LRBA: variants seen among roughly 807,000 people sequenced by gnomAD.
LRBA encodes LPS responsive beige-like anchor protein, also known as lipopolysaccharide-responsive and beige-like anchor protein.
Under a neutral mutation model 330.0 loss-of-function variants are expected in LRBA, and 176 were observed. The observed-to-expected ratio is 0.53, with a 90% CI of 0.47 to 0.60. The LOEUF (loss-of-function observed/expected upper bound fraction) is 0.60. Ranked by LOEUF, LRBA falls within the 20% of genes least tolerant of loss-of-function variation. The pLI is 0.00. For synonymous variants in LRBA, 1,230 were observed against 1,193.0 expected (o/e 1.03, Z -0.64); for missense variants, 3,259 against 3,444.8 (o/e 0.95, Z 1.35).
At chr4:150,833,235 T>C (rs1747465778) in intron 28 of LRBA, among the ~76,000 whole-genome samples, 1 of 151,876 alleles carries the variant, frequency 6.6e-6, no homozygotes, top group African/African-American at 2.4e-5. Flanking sequence ...CTGACCTCTT[T>C]ATCTTGTCAA....
In LRBA at chr4:150,325,809, C is replaced by T. The variant is rs775737240; in HGVS notation, c.7452G>A (p.Val2484=). Residue 2484 remains valine (V), a splice_region_variant and synonymous_variant, in exon 49 of 57, where the codon GTG becomes GTA. Coordinates refer to ENST00000651943, the MANE Select transcript of LRBA (RefSeq NM_001364905.1). ...TGAGGAGAGTAAAAATAGCACTTAC[C>T]ACTTGCATGGCAGAACCTCTGGGAG... ...PHPPRGSAMQ[V]SPLMFTDKAQ... is the part of the protein sequence containing the mutation. 16 of 1,606,854 alleles carry T rather than the reference C, an allele frequency of 1.0e-5. No homozygotes were observed. Among genetic ancestry groups the T allele is most frequent in the Non-Finnish European group, 1.3e-5 (15 of 1,173,764 alleles).
chr4:150,799,350 G>T (rs376406570), intron 33 of LRBA, among the ~76,000 whole-genome samples: 12 of 152,098 alleles, frequency 7.9e-5, no homozygotes, highest in African/African-American at 2.9e-4. Context: ...GATGAACATG[G>T]CTCTTCAGGC....
rs1029332846 is a variant in LRBA at position 150,415,473 on chromosome 4, T to C, written c.7159A>G (p.Lys2387Glu). Residue 2387 changes from lysine to glutamate, a missense_variant, in exon 47 of 57, where the codon AAA becomes GAA. Coordinates refer to ENST00000651943, the MANE Select transcript of LRBA (RefSeq NM_001364905.1). ...ATGTGAACAAATTCTTCTGAGGTTT[T>C]GGCCCAAGGAGGAAGTTCGACATCA... ...VSDVELPPWA[K>E]TSEEFVHINR... 1.2e-6 allele frequency: 2 copies of C among 1,613,594 alleles called. No individual in the cohort carries two copies. Among genetic ancestry groups the C allele is most frequent in the African/African-American group, 1.3e-5 (1 of 74,920 alleles).
intron 33 of LRBA, among the ~76,000 whole-genome samples, chr4:150,801,341 A>T (rs1190973889): frequency 6.6e-6 from 1 of 152,230 alleles, no homozygotes; most frequent in Non-Finnish European, 1.5e-5. Context: ...CATGTTTAAT[A>T]GGCTCTAGCT....
rs1269980116 is a variant in LRBA at position 150,900,069 on chromosome 4, C to G, written c.1904G>C (p.Gly635Ala). 6.2e-7 allele frequency: 1 copy of G among 1,612,646 alleles called. No individual in the cohort carries two copies. The highest frequency in any genetic ancestry group is 1.3e-5 in the African/African-American group (1 of 74,954). ...YWAVNPQDRS[G>A]ITPKGLDGPR... ...TATACCTAATCCTTTTGGGGTGATA[C>G]CACTTCGATCCTGAGGATTCACTGC... The change falls in exon 14 of 57, where the codon GGT becomes GCT. Residue 635 changes from glycine (G) to alanine (A), a missense_variant. Transcript: ENST00000651943.
rs35250375 is a variant in LRBA at position 150,852,379 on chromosome 4, C to A, written c.3331G>T (p.Val1111Leu). Residue 1111 changes from valine (V) to leucine (L), a missense_variant, in exon 23 of 57, where the codon GTG (valine) becomes TTG (leucine). Val to Leu is a conservative substitution (Grantham distance 32). Transcript: ENST00000651943. ...GGACTGCCTTCTACTTTCAGTTCCA[C>A]ATAATCATCATCTTCCTCTTCCTCT... ...IVEEEEDDDY[V>L]ELKVEGSPTE... The A allele has an allele frequency of 6.0e-4, 961 of 1,613,610 alleles. 5 individuals are homozygous for A. In the African/African-American group the frequency reaches 0.011, roughly 19 times the overall value.
intron 34 of LRBA, among the ~76,000 whole-genome samples, chr4:150,775,411 T>A (rs1737140806): frequency 6.6e-6 from 1 of 150,862 alleles, no homozygotes; most frequent in Non-Finnish European, 1.5e-5. Context: ...GATCCACAAA[T>A]GTTCAATCAA....
chr4:150,315,547 AG>A lies in LRBA; in HGVS notation c.7693+13del. On this transcript the variant is annotated intron_variant, in intron 51 of 56. Transcript: ENST00000651943. ...GAGCTTAATGAATCGCAAAGAGAGA[AG>A]GAAGTGACAGACCTATGAGAGGATC... is the stretch of plus-strand genomic sequence containing the variant. 1 of 1,608,958 alleles carries A rather than the reference AG, an allele frequency of 6.2e-7. No individual in the cohort carries two copies. Among genetic ancestry groups the A allele is most frequent in the African/African-American group, 1.3e-5 (1 of 74,852 alleles).
intron 36 of LRBA, among the ~76,000 whole-genome samples, chr4:150,732,019 A>G (rs1397951787): frequency 2.0e-5 from 3 of 152,134 alleles, no homozygotes; most frequent in Non-Finnish European, 4.4e-5. Context: ...ATAAAAAATC[A>G]ATGACATAAT....
At chr4:150,610,476 C>T (rs1405174311) in intron 37 of LRBA, among the ~76,000 whole-genome samples, 1 of 152,132 alleles carries the variant, frequency 6.6e-6, no homozygotes, top group Non-Finnish European at 1.5e-5. Flanking sequence ...GTAATCCCAG[C>T]TACACGGGAG....
chr4:150,437,691 C>T (rs931327894), intron 44 of LRBA, among the ~76,000 whole-genome samples: 5 of 151,692 alleles, frequency 3.3e-5, no homozygotes, highest in African/African-American at 7.3e-5. Flanking sequence ...GATAATAATA[C>T]TCATTCAAAA....
At chr4:150,292,871 A>G (rs1244289527) in intron 53 of LRBA, among the ~76,000 whole-genome samples, 2 of 152,188 alleles carry the variant, frequency 1.3e-5, no homozygotes, top group African/African-American at 4.8e-5. Context: ...CTAATTTTGT[A>G]TGCAAAATCA....
intron 35 of LRBA, among the ~76,000 whole-genome samples, chr4:150,739,239 T>TA (rs1408241549): frequency 6.6e-6 from 1 of 152,144 alleles, no homozygotes; most frequent in African/African-American, 2.4e-5. Flanking sequence ...TACTACCAGA[T>TA]ATAGAATATA....
chr4:150,673,700 T>C (rs924537169), intron 37 of LRBA, among the ~76,000 whole-genome samples: 1 of 152,180 alleles, frequency 6.6e-6, no homozygotes, highest in Non-Finnish European at 1.5e-5. Flanking sequence ...TCTATATTTA[T>C]TGACTAAGAA....
At chr4:150,404,433 C>T (rs1054001206) in intron 47 of LRBA, among the ~76,000 whole-genome samples, 8 of 152,034 alleles carry the variant, frequency 5.3e-5, no homozygotes, top group East Asian at 3.9e-4. Context: ...AGAAGGGTAA[C>T]GATGCACGCT....
intron 17 of LRBA, among the ~76,000 whole-genome samples, chr4:150,878,673 T>C (rs891009204): frequency 4.0e-5 from 6 of 150,612 alleles, no homozygotes; most frequent in Admixed American, 2.6e-4. Flanking sequence ...ACCAATCTCA[T>C]AGAAATACAA....
At chr4:150,764,332 G>C (rs1735473423) in intron 34 of LRBA, among the ~76,000 whole-genome samples, 1 of 151,812 alleles carries the variant, frequency 6.6e-6, no homozygotes, top group Admixed American at 6.6e-5. Context: ...ACAAGAAAAG[G>C]ATAAAAATTG....
chr4:150,424,413 C>A lies in LRBA; in HGVS notation c.7042-8823G>T, dbSNP rs140986996. ...TTCTAAAAAGAGACCCAAAACACTT[C>A]TACTATTAAATATTGAAATAAATGT... On this transcript the variant is annotated intron_variant, in intron 46 of 56. Transcript: ENST00000651943. Among the ~76,000 whole-genome samples the A allele has an allele frequency of 5.3e-5, 8 of 152,260 alleles. No individual in the cohort carries two copies. In the South Asian group the frequency reaches 1.7e-3, roughly 32 times the overall value.
chr4:150,429,527 T>C (rs1484470255), intron 46 of LRBA, among the ~76,000 whole-genome samples: 4 of 152,102 alleles, frequency 2.6e-5, no homozygotes, highest in Non-Finnish European at 5.9e-5. Context: ...AGAATAGCTT[T>C]GAAGAAATGA....
Sources: allele counts gnomAD v4.1 joint callset (sites outside exome capture counted in the v4.1 genomes callset), GRCh38; gene constraint gnomAD v4.1.1; transcripts MANE v1.5; gene names NCBI Gene and HGNC (gene_info 2026-07-23, HGNC 2026-07-21).